ART3: variants seen among roughly 807,000 people sequenced by gnomAD.
ART3 encodes the protein ADP-ribosyltransferase 3 (inactive).
ART3 carries 49 observed loss-of-function variants against 48.5 expected under a neutral mutation model. That is an observed-to-expected ratio of 1.01 (90% CI 0.80 to 1.28). The LOEUF (loss-of-function observed/expected upper bound fraction) is 1.28, where lower values mean the gene tolerates loss of function less well. Ranked by LOEUF, ART3 falls within the 50% of genes most tolerant of loss-of-function variation. The pLI, the probability that ART3 is intolerant of heterozygous loss-of-function variation, is 0.00. For missense variants in ART3, 438 were observed against 454.3 expected (o/e 0.96, Z 0.33); for synonymous variants, 145 against 157.2 (o/e 0.92, Z 0.58).
chr4:76,104,111 C>T (rs1017208701), intron 9 of ART3, 142 bp downstream of exon 9: 3 of 1,006,430 alleles, frequency 3.0e-6, no homozygotes, highest in African/African-American at 1.6e-5. Context: ...AAATATTTAG[C>T]TGGGGAAGCG....
intron 1 of ART3, among the ~76,000 whole-genome samples, chr4:76,019,271 GTA>G (rs1017219706): frequency 1.3e-5 from 2 of 151,630 alleles, no homozygotes; most frequent in Non-Finnish European, 2.9e-5. Context: ...GTGATGGCTT[GTA>G]TTGGCTAGGG....
rs150513086 is a variant in ART3, at chr4:76,068,931, C to T, written c.-9-6950C>T. ...CTAGGCTCAAGTGATCCTCCTTTAG[C>T]TACTCCAACCACTGTGCATGGCTTA... On this transcript the variant is annotated intron_variant, in intron 1 of 9. Transcript: ENST00000341029. Among the ~76,000 whole-genome samples, 559 of 152,316 alleles carry T rather than the reference C, an allele frequency of 3.7e-3. 6 individuals are homozygous for T. Among genetic ancestry groups the T allele is most frequent in the East Asian group, 0.035 (181 of 5,184 alleles).
At chr4:76,040,057 G>T (rs1734796118) in intron 1 of ART3, among the ~76,000 whole-genome samples, 1 of 152,212 alleles carries the variant, frequency 6.6e-6, no homozygotes. Flanking sequence ...GGGCATGGTG[G>T]CTCATGCCTG....
At chr4:76,021,691 GC>G in intron 1 of ART3, 1 of 538,568 alleles carries the variant, frequency 1.9e-6, no homozygotes, top group Non-Finnish European at 3.3e-6. Context: ...CCTCAGTAGA[GC>G]TTACATTATA....
chr4:76,112,544 A>G lies in ART3; in HGVS notation c.*25A>G. ...GTTTGATGCATTGTTTATCTTTCTT[A>G]TTCTTTACTTGAAATAACTATAGGG... is the stretch of plus-strand genomic sequence containing the variant. On this transcript the variant is annotated 3_prime_UTR_variant, in exon 12 of 12. Transcript: ENST00000355810. 6.3e-7 allele frequency: 1 copy of G among 1,597,294 alleles called. No homozygotes were observed. The highest frequency in any genetic ancestry group is 8.5e-7 in the Non-Finnish European group (1 of 1,170,436).
At chr4:76,046,291 C>G (rs564963171) in intron 1 of ART3, among the ~76,000 whole-genome samples, 1 of 151,934 alleles carries the variant, frequency 6.6e-6, no homozygotes, top group African/African-American at 2.4e-5. Context: ...GGTCCAGAAC[C>G]GTGAACCATT....
chr4:76,023,684 C>CT (rs1008653464), intron 1 of ART3, among the ~76,000 whole-genome samples: 2 of 152,120 alleles, frequency 1.3e-5, no homozygotes, highest in African/African-American at 2.4e-5. Flanking sequence ...CTCTGCTCCT[C>CT]TTTTTTTGGT....
chr4:76,106,222 T>G lies in ART3; in HGVS notation c.1004-1539T>G, dbSNP rs569243782. The G allele has an allele frequency of 1.6e-5, 16 of 985,332 alleles. No homozygotes were observed. In the African/African-American group the frequency reaches 2.6e-4, roughly 16 times the overall value. The allele number at this position is 985,332 out of a possible 1,614,324, so 61.0% of individuals were successfully genotyped here. A position where few individuals can be genotyped will look rare whatever the true frequency, so the allele number is the denominator to read the frequency against. ...TGCTACACTTGTCTTCCAAACAGAT[T>G]TAGTTATCCACTTCTATCCTGGGCA... is the stretch of plus-strand genomic sequence containing the variant. On this transcript the variant is annotated intron_variant, in intron 10 of 11. Coordinates refer to ENST00000355810, the MANE Select transcript of ART3 (RefSeq NM_001130016.3).
chr4:76,068,319 A>G (rs1424962330), intron 1 of ART3, among the ~76,000 whole-genome samples: 2 of 152,208 alleles, frequency 1.3e-5, no homozygotes, highest in African/African-American at 2.4e-5. Context: ...ATATTGTGGC[A>G]TGTATTAATA....
chr4:76,013,947 G>A (rs1732030106), intron 1 of ART3, among the ~76,000 whole-genome samples: 1 of 152,130 alleles, frequency 6.6e-6, no homozygotes, highest in Non-Finnish European at 1.5e-5. Context: ...TAGAGTCAGA[G>A]TTTTGACCTT....
chr4:76,038,923 A>G (rs193206207), intron 1 of ART3, among the ~76,000 whole-genome samples: 3 of 151,958 alleles, frequency 2.0e-5, no homozygotes, highest in African/African-American at 7.2e-5. Context: ...GTGTTTAGCC[A>G]TGTTGGCCAA....
intron 2 of ART3, among the ~76,000 whole-genome samples, chr4:76,079,763 A>T (rs1322598960): frequency 6.6e-6 from 1 of 152,126 alleles, no homozygotes; most frequent in African/African-American, 2.4e-5. Flanking sequence ...AAGGACAGAC[A>T]TCTCTTTCAA....
At chr4:76,035,811 TA>T in intron 1 of ART3, 2 of 900,790 alleles carry the variant, frequency 2.2e-6, no homozygotes, top group Non-Finnish European at 3.5e-6. Flanking sequence ...TAGTAACTTC[TA>T]ATCTGTGAGA....
chr4:76,022,024 C>T (rs199515873), intron 1 of ART3: 1 of 1,324,696 alleles, frequency 7.5e-7, no homozygotes, highest in Non-Finnish European at 1.1e-6. Context: ...TTGGAAAGTA[C>T]CGAGTTCATA....
intron 1 of ART3, among the ~76,000 whole-genome samples, chr4:76,045,592 A>G (rs1735427541): frequency 6.6e-6 from 1 of 152,014 alleles, no homozygotes; most frequent in Non-Finnish European, 1.5e-5. Flanking sequence ...CCACGAGTCT[A>G]AGGACTCCAA....
rs955577396 is a variant in ART3 at position 76,038,950 on chromosome 4, T to A, written c.-10+27630T>A. ...GTTGGCCAAGCTGGTCTTGAACTCC[T>A]AACCTCAGGTGATCCTGCCGCCTTG... On this transcript the variant is annotated intron_variant, in intron 1 of 9. Transcript: ENST00000341029. Among the ~76,000 whole-genome samples the A allele has an allele frequency of 9.2e-5, 14 of 152,164 alleles. No homozygotes were observed. The South Asian group carries it at 2.9e-3, about 32-fold the overall frequency.
At position 76,078,534 on chromosome 4, in the gene ART3, A is replaced by C. The variant is rs370376816; in HGVS notation, c.69+2576A>C. ...CTCAAATTCCCATGTCAGGAAACTG[A>C]CCTACAAACCCAGGACTACGGGGGT... is the stretch of plus-strand genomic sequence containing the variant. On this transcript the variant is annotated intron_variant, in intron 2 of 11. Transcript: ENST00000355810. 2.0e-5 allele frequency among the ~76,000 whole-genome samples: 3 copies of C among 152,068 alleles called. 1 individual carries two copies. The South Asian group carries it at 6.2e-4, about 32-fold the overall frequency.
At chr4:76,099,730 T>TA (rs1331181066) in intron 5 of ART3, 1 of 152,968 alleles carries the variant, frequency 6.5e-6, no homozygotes, top group Non-Finnish European at 1.5e-5. Flanking sequence ...TAGATGCTCT[T>TA]AAAGTTTCCA....
At chr4:76,081,243 G>C (rs1011403662) in intron 2 of ART3, among the ~76,000 whole-genome samples, 18 of 152,170 alleles carry the variant, frequency 1.2e-4, no homozygotes, top group Non-Finnish European at 5.9e-5. Context: ...ATTATCCTTA[G>C]AGCTTACAGC....
Sources: gnomAD v4.1 joint callset for allele counts (sites outside exome capture counted in the v4.1 genomes callset) on GRCh38, gnomAD v4.1.1 for gene constraint, MANE v1.5 for transcripts, NCBI Gene and HGNC (gene_info 2026-07-23, HGNC 2026-07-21) for gene names.